The following GRIP1 variants were observed in gnomAD, a reference collection of about 807,000 sequenced individuals.
GRIP1 encodes the protein glutamate receptor interacting protein 1.
GRIP1 carries 45 observed loss-of-function variants against 129.9 expected under a neutral mutation model. The observed-to-expected ratio is 0.35, with a 90% CI of 0.27 to 0.44. The LOEUF is 0.44. Ranked by LOEUF, GRIP1 falls within the 20% of genes least tolerant of loss-of-function variation. The pLI, the probability that GRIP1 is intolerant of heterozygous loss-of-function variation, is 1.00. For missense variants in GRIP1, 1,196 were observed against 1,396.8 expected, an observed-to-expected ratio of 0.86 and a Z score of 2.29; for synonymous variants, 530 against 520.8, an observed-to-expected ratio of 1.02 and a Z score of -0.24.
At chr12:66,506,561 T>C (rs115821504) in intron 7 of GRIP1, among the ~76,000 whole-genome samples, 1,839 of 152,276 alleles carry the variant, frequency 0.012, 43 homozygotes, top group East Asian at 0.1. Flanking sequence ...AATGGGGCTT[T>C]TGGTGATAAT....
intron 23 of GRIP1, among the ~76,000 whole-genome samples, chr12:66,365,378 A>G (rs1411859698): frequency 2.0e-5 from 3 of 152,256 alleles, no homozygotes; most frequent in Non-Finnish European, 4.4e-5. Flanking sequence ...CGGAGGTTGC[A>G]GTGAGCCAAG....
intron 7 of GRIP1, among the ~76,000 whole-genome samples, chr12:66,505,451 C>G (rs1383755161): frequency 1.3e-5 from 2 of 152,182 alleles, no homozygotes; most frequent in African/African-American, 4.8e-5. Flanking sequence ...AAGAGCTTAG[C>G]CTGCTGTCAT....
chr12:66,861,646 C>A (rs891368352), intron 1 of GRIP1, among the ~76,000 whole-genome samples: 1 of 152,038 alleles, frequency 6.6e-6, no homozygotes, highest in African/African-American at 2.4e-5. Flanking sequence ...TTTCTTATTA[C>A]CACTGAAGTT....
intron 13 of GRIP1, among the ~76,000 whole-genome samples, chr12:66,441,346 G>A (rs895810954): frequency 6.6e-5 from 10 of 151,672 alleles, no homozygotes; most frequent in African/African-American, 2.2e-4. Flanking sequence ...TTAAGTCTCA[G>A]TATTCCTCAG....
chr12:66,477,436 G>GA (rs2059653099), intron 7 of GRIP1, among the ~76,000 whole-genome samples: 1 of 151,880 alleles, frequency 6.6e-6, no homozygotes, highest in Non-Finnish European at 1.5e-5. Flanking sequence ...TCAATACCGT[G>GA]AAAATGGCCA....
At chr12:66,880,563 T>C (rs2040461193) in intron 1 of GRIP1, among the ~76,000 whole-genome samples, 1 of 152,116 alleles carries the variant, frequency 6.6e-6, no homozygotes, top group Admixed American at 6.6e-5. Flanking sequence ...GGACTCTTTA[T>C]TTATTTTAAA....
At chr12:66,652,712 C>T (rs780893127) in intron 1 of GRIP1, among the ~76,000 whole-genome samples, 4 of 152,210 alleles carry the variant, frequency 2.6e-5, no homozygotes, top group Non-Finnish European at 5.9e-5. Context: ...ATCTGAGTGG[C>T]CATGTCCCCA....
Position 66,859,276 on chromosome 12 carries a change from CAAAAAAACAAAAAAACAAAAAAACAAAAA to C in GRIP1, c.58+209745_58+209773del, listed in dbSNP as rs1404817805. Among the ~76,000 whole-genome samples, 51 of 10,906 alleles carry C rather than the reference CAAAAAAACAAAAAAACAAAAAAACAAAAA, an allele frequency of 4.7e-3. 3 individuals are homozygous for C. Among genetic ancestry groups the C allele is most frequent in the Non-Finnish European group, 0.016 (46 of 2,964 alleles). 7.2% of individuals were successfully genotyped at this position (10,906 alleles called of 152,430 possible). ...CATTTTCTGAAAAAAAACAAAAAAA[CAAAAAAACAAAAAAACAAAAAAACAAAAA>C]AAAACCAGTATTAGCCATCACAGAA... On this transcript the variant is annotated intron_variant, in intron 1 of 1. Coordinates refer to the GRIP1 transcript ENST00000643019.
chr12:66,647,619 A>G (rs1437644140), intron 1 of GRIP1, among the ~76,000 whole-genome samples: 1 of 152,244 alleles, frequency 6.6e-6, no homozygotes, highest in Non-Finnish European at 1.5e-5. Flanking sequence ...AAAGGAAGAG[A>G]AAGAAGGCTA....
At chr12:66,436,939 A>C (rs1180832094) in intron 13 of GRIP1, among the ~76,000 whole-genome samples, 1 of 147,286 alleles carries the variant, frequency 6.8e-6, no homozygotes, top group African/African-American at 2.6e-5. Context: ...GCACCACTGC[A>C]CTCTAGCCTG....
chr12:66,892,448 T>C lies in GRIP1; in HGVS notation c.58+176602A>G, dbSNP rs541541697. Among the ~76,000 whole-genome samples, 4 of 152,226 alleles carry C rather than the reference T, an allele frequency of 2.6e-5. No individual in the cohort carries two copies. In the East Asian group the frequency reaches 7.7e-4, roughly 29 times the overall value. On this transcript the variant is annotated intron_variant, in intron 1 of 1. Transcript: ENST00000643019. ...GCAAAAACAATACAGAGAAATTCTG[T>C]GTATCCTTCTCCCAGGTCTCACCAA...
chr12:66,728,740 A>G (rs2036335057), intron 1 of GRIP1, among the ~76,000 whole-genome samples: 1 of 152,208 alleles, frequency 6.6e-6, no homozygotes, highest in South Asian at 2.1e-4. Flanking sequence ...TATAGGTTAT[A>G]GTCTCACAGC....
intron 11 of GRIP1, among the ~76,000 whole-genome samples, chr12:66,450,088 C>G (rs1322086028): frequency 6.6e-6 from 1 of 151,640 alleles, no homozygotes; most frequent in East Asian, 1.9e-4. Flanking sequence ...ATCACGAGGT[C>G]AGGAAATTGA....
chr12:66,710,994 G>C (rs1421468043), intron 1 of GRIP1, among the ~76,000 whole-genome samples: 4 of 151,750 alleles, frequency 2.6e-5, no homozygotes, highest in African/African-American at 9.7e-5. Context: ...GGATATGGTA[G>C]ATTTGTCTTC....
intron 1 of GRIP1, among the ~76,000 whole-genome samples, chr12:66,771,715 C>T (rs1228101035): frequency 6.6e-6 from 1 of 152,156 alleles, no homozygotes; most frequent in Non-Finnish European, 1.5e-5. Context: ...CAGAGAGTCT[C>T]CTGCTGTTGG....
chr12:66,939,208 G>C (rs542379639), intron 1 of GRIP1, among the ~76,000 whole-genome samples: 1 of 151,782 alleles, frequency 6.6e-6, no homozygotes, highest in South Asian at 2.1e-4. Flanking sequence ...TTAATTGGCT[G>C]GGCATGGTGG....
intron 1 of GRIP1, among the ~76,000 whole-genome samples, chr12:66,813,376 C>A (rs2039140729): frequency 6.6e-6 from 1 of 152,176 alleles, no homozygotes; most frequent in Admixed American, 6.5e-5. Flanking sequence ...AGGACCTCCA[C>A]TAGGCCCCAC....
intron 1 of GRIP1, among the ~76,000 whole-genome samples, chr12:66,767,850 G>A (rs540147784): frequency 6.6e-6 from 1 of 152,278 alleles, no homozygotes; most frequent in South Asian, 2.1e-4. Flanking sequence ...CAAGATAATA[G>A]CCTCGAGTTC....
chr12:66,772,094 A>G (rs995889196), intron 1 of GRIP1, among the ~76,000 whole-genome samples: 1 of 152,238 alleles, frequency 6.6e-6, no homozygotes, highest in Non-Finnish European at 1.5e-5. Context: ...CAGCCCCATG[A>G]GATAGGTAAG....
Sources: gnomAD v4.1 joint callset for allele counts (sites outside exome capture counted in the v4.1 genomes callset) on GRCh38, gnomAD v4.1.1 for gene constraint, MANE v1.5 for transcripts, NCBI Gene and HGNC (gene_info 2026-07-23, HGNC 2026-07-21) for gene names.